Variants in KIAA1191 observed in about 807,000 individuals in gnomAD.
KIAA1191 encodes the protein putative monooxygenase p33MONOX.
In KIAA1191, 22 loss-of-function variants were observed where a neutral mutation model predicts 31.1. The observed-to-expected ratio is 0.71, with a 90% CI of 0.51 to 1.01. KIAA1191 has a LOEUF of 1.01. KIAA1191 is among the 50% of genes least tolerant of loss of function. The probability of loss-of-function intolerance (pLI) is 0.00; values close to 1 mark genes in which losing one functional copy is unlikely to be tolerated. For missense variants in KIAA1191, 319 were observed against 388.0 expected, an observed-to-expected ratio of 0.82 and a Z score of 1.49; for synonymous variants, 130 against 143.9, an observed-to-expected ratio of 0.90 and a Z score of 0.69.
Position 176,347,909 on chromosome 5 carries a change from G to A in KIAA1191, c.709+12C>T, listed in dbSNP as rs1421251968. On this transcript the variant is annotated intron_variant, in intron 8 of 8. Coordinates refer to ENST00000298569, the MANE Select transcript of KIAA1191 (RefSeq NM_020444.5). ...TGCCATGCTGCTCTCTTTTTTGAAG[G>A]TGCTGCCTTACCAGAATCGTACTTC... is the stretch of plus-strand genomic sequence containing the variant. The A allele has an allele frequency of 1.9e-6, 3 of 1,613,798 alleles. No homozygotes were observed. The highest frequency in any genetic ancestry group is 2.5e-6 in the Non-Finnish European group (3 of 1,179,974).
At chr5:176,348,652 A>C (rs2113458152) in intron 6 of KIAA1191, among the ~76,000 whole-genome samples, 1 of 151,766 alleles carries the variant, frequency 6.6e-6, no homozygotes, top group East Asian at 1.9e-4. Flanking sequence ...ATTCCCCCAG[A>C]CAGTAAAATG....
chr5:176,358,784 A>G (rs1767713230), intron 3 of KIAA1191, among the ~76,000 whole-genome samples: 1 of 152,220 alleles, frequency 6.6e-6, no homozygotes, highest in African/African-American at 2.4e-5. Context: ...AGGCAGGCAG[A>G]TCACAAGGTC....
intron 5 of KIAA1191, among the ~76,000 whole-genome samples, 153 bp downstream of exon 5, chr5:176,352,469 G>A (rs1438686057): frequency 2.0e-5 from 3 of 152,236 alleles, no homozygotes; most frequent in Admixed American, 2.0e-4. Flanking sequence ...AATAAATGGA[G>A]CTTCAATACT....
At chr5:176,352,514 G>C in intron 5 of KIAA1191, 108 bp downstream of exon 5, 2 of 1,301,770 alleles carry the variant, frequency 1.5e-6, no homozygotes, top group Non-Finnish European at 2.1e-6. Context: ...CATTTTTTAG[G>C]ATAAGGTAAG....
chr5:176,359,369 G>A lies in KIAA1191; in HGVS notation c.28+112C>T, dbSNP rs1313174537. The A allele has an allele frequency of 1.2e-5, 11 of 933,296 alleles. No individual in the cohort carries two copies. The Middle Eastern group carries it at 9.3e-4, about 79-fold the overall frequency. The allele number at this position is 933,296 out of a possible 1,614,324, so 57.8% of individuals were successfully genotyped here. On this transcript the variant is annotated intron_variant, in intron 3 of 8. Coordinates refer to ENST00000298569, the MANE Select transcript of KIAA1191 (RefSeq NM_020444.5). ...GCCAATCTAGTAAATCTAAATACTC[G>A]CTTGGTAGCAGAGATTAACCATTAA...
intron 3 of KIAA1191, among the ~76,000 whole-genome samples, chr5:176,358,825 C>T (rs368834697): frequency 6.6e-5 from 10 of 152,128 alleles, no homozygotes; most frequent in African/African-American, 1.7e-4. Context: ...TGGCTCACGC[C>T]TGTAATCCCA....
chr5:176,353,537 A>C (rs1767227438), intron 4 of KIAA1191: 1 of 152,206 alleles, frequency 6.6e-6, no homozygotes, highest in Admixed American at 6.5e-5. Context: ...AGTAATGAAA[A>C]ATGTTGTATC....
chr5:176,348,086 T>C (rs371483885), intron 7 of KIAA1191, 23 bp from the exon 8 acceptor site: 13 of 1,612,324 alleles, frequency 8.1e-6, no homozygotes, highest in Non-Finnish European at 1.1e-5. Flanking sequence ...GAACAAAACA[T>C]ATCCTAAAAT....
At chr5:176,352,429 G>C (rs1218814765) in intron 5 of KIAA1191, among the ~76,000 whole-genome samples, 193 bp downstream of exon 5, 1 of 152,236 alleles carries the variant, frequency 6.6e-6, no homozygotes, top group African/African-American at 2.4e-5. Flanking sequence ...AATCAGATAA[G>C]ATGCTTAACA....
chr5:176,361,038 C>G lies in KIAA1191; in HGVS notation c.-168+564G>C, dbSNP rs1767958312. The G allele has an allele frequency of 6.6e-6, 1 of 152,086 alleles. No homozygotes were observed. Among genetic ancestry groups the G allele is most frequent in the African/African-American group, 2.4e-5 (1 of 41,392 alleles). The allele number at this position is 152,086 out of a possible 1,614,324, so 9.4% of individuals were successfully genotyped here. A position where few individuals can be genotyped will look rare whatever the true frequency, so the allele number is the denominator to read the frequency against. On this transcript the variant is annotated intron_variant, in intron 1 of 8. Transcript: ENST00000298569. This position sits in a 1 kb window ranked among gnomAD's most constrained non-coding sequence, Gnocchi z 4.0. The stretch of plus-strand genomic sequence containing the variant: ...CCCGATAGGACTCAGACAGAGCAAA[C>G]AAGTTATTGATAGTTCTTCACTAAC...
chr5:176,352,015 A>G (rs1457500945), intron 5 of KIAA1191, among the ~76,000 whole-genome samples: 1 of 152,108 alleles, frequency 6.6e-6, no homozygotes, highest in Non-Finnish European at 1.5e-5. Context: ...AGAATGAAGA[A>G]GTTTAGTTAG....
chr5:176,349,850 C>G (rs1040959426), intron 6 of KIAA1191, among the ~76,000 whole-genome samples: 8 of 152,190 alleles, frequency 5.3e-5, no homozygotes, highest in Non-Finnish European at 7.3e-5. Context: ...TCTGACCCCC[C>G]CTTGCCTAAA....
chr5:176,350,834 A>G, intron 5 of KIAA1191, 97 bp from the exon 6 acceptor site: 1 of 1,437,944 alleles, frequency 7.0e-7, no homozygotes, highest in Non-Finnish European at 9.5e-7. Context: ...CAGAAGCAAG[A>G]GACCACACTG....
chr5:176,359,083 CAAAA>C (rs70991539), intron 3 of KIAA1191, among the ~76,000 whole-genome samples: 1 of 51,876 alleles, frequency 1.9e-5, no homozygotes. Flanking sequence ...GACTCTGTCT[CAAAA>C]AAAAAAAAAA....
intron 3 of KIAA1191, among the ~76,000 whole-genome samples, chr5:176,357,903 AC>A (rs2113509163): frequency 6.6e-6 from 1 of 152,324 alleles, no homozygotes; most frequent in African/African-American, 2.4e-5. Context: ...TCATATAAAG[AC>A]AGACCAAATG....
chr5:176,356,986 G>A (rs1489606601), intron 3 of KIAA1191, among the ~76,000 whole-genome samples: 1 of 152,154 alleles, frequency 6.6e-6, no homozygotes, highest in African/African-American at 2.4e-5. Context: ...AATGGTACGA[G>A]GTTTTCCTTT....
chr5:176,361,491 G>C lies in KIAA1191; in HGVS notation c.-168+111C>G, dbSNP rs1312148440. On this transcript the variant is annotated intron_variant, in intron 1 of 8. Transcript: ENST00000298569. This position sits in a 1 kb window ranked among gnomAD's most constrained non-coding sequence, Gnocchi z 4.0. ...GGGATGAAGGGTTAAGAGGTGCGGG[G>C]AGAGGGGAGTGGCTTGGAGGGGCCC... 1 of 152,490 alleles carries C rather than the reference G, an allele frequency of 6.6e-6. No individual in the cohort carries two copies. Among genetic ancestry groups the C allele is most frequent in the East Asian group, 1.9e-4 (1 of 5,200 alleles). 9.4% of individuals were successfully genotyped at this position (152,490 alleles called of 1,614,324 possible).
chr5:176,359,519 G>T lies in KIAA1191; in HGVS notation c.-11C>A, dbSNP rs1287740470. On this transcript the variant is annotated 5_prime_UTR_variant, in exon 3 of 9. Coordinates refer to ENST00000298569, the MANE Select transcript of KIAA1191 (RefSeq NM_020444.5). ...TTGTCTTGAAGCCATTGAAAGACTG[G>T]GATCCAGGTGCTTTTTCTATACAGA... The T allele has an allele frequency of 6.2e-7, 1 of 1,611,954 alleles. No homozygotes were observed. Among genetic ancestry groups the T allele is most frequent in the Admixed American group, 1.7e-5 (1 of 59,978 alleles).
At chr5:176,350,050 C>A (rs527936240) in intron 6 of KIAA1191, among the ~76,000 whole-genome samples, 7 of 152,288 alleles carry the variant, frequency 4.6e-5, no homozygotes, top group South Asian at 4.1e-4. Flanking sequence ...CCTCGAACCT[C>A]AATCTCCTCA....
Sources: allele counts gnomAD v4.1 joint callset (sites outside exome capture counted in the v4.1 genomes callset), GRCh38; gene constraint gnomAD v4.1.1; non-coding constraint Gnocchi (gnomAD v3.1); transcripts MANE v1.5; gene names NCBI Gene and HGNC (gene_info 2026-07-23, HGNC 2026-07-21).